CAMTA1: variants seen among roughly 807,000 people sequenced by gnomAD.
The protein encoded by CAMTA1 is calmodulin binding transcription activator 1.
Under a neutral mutation model 170.9 loss-of-function variants are expected in CAMTA1, and 27 were observed. The observed-to-expected ratio is 0.16, with a 90% confidence interval of 0.12 to 0.22. CAMTA1 has a LOEUF of 0.22. Among genes scored for constraint, CAMTA1 ranks in the 10% least tolerant of loss-of-function variants. CAMTA1 has a pLI of 1.00. For synonymous variants in CAMTA1, 833 were observed against 891.5 expected (o/e 0.93, Z 1.17); for missense variants, 1,619 against 2,217.2 (o/e 0.73, Z 5.42).
intron 3 of CAMTA1, among the ~76,000 whole-genome samples, chr1:6,943,732 A>G (rs1472300405): frequency 6.6e-6 from 1 of 151,650 alleles, no homozygotes; most frequent in Middle Eastern, 3.4e-3. Context: ...CTGTAACCCC[A>G]GCTACTCAGG....
intron 6 of CAMTA1, among the ~76,000 whole-genome samples, chr1:7,508,860 C>T (rs563453185): frequency 2.0e-5 from 3 of 152,334 alleles, no homozygotes; most frequent in African/African-American, 7.2e-5. Context: ...TGCATTCTAG[C>T]TCCCTGCAAA....
At chr1:7,640,649 C>T (rs1452482269) in intron 7 of CAMTA1, 96 bp downstream of exon 7, 27 of 1,412,590 alleles carry the variant, frequency 1.9e-5, no homozygotes, top group South Asian at 7.2e-5. Context: ...CTTGGGGATG[C>T]GGGTCCGGAG....
At chr1:7,461,491 T>C (rs974608901) in intron 5 of CAMTA1, among the ~76,000 whole-genome samples, 1 of 152,260 alleles carries the variant, frequency 6.6e-6, no homozygotes, top group South Asian at 2.1e-4. Flanking sequence ...GAAGCTTTGA[T>C]TGGATTTAAT....
intron 3 of CAMTA1, among the ~76,000 whole-genome samples, chr1:6,929,612 C>T (rs1684019337): frequency 1.3e-5 from 2 of 152,220 alleles, no homozygotes; most frequent in Non-Finnish European, 2.9e-5. Context: ...ATCCGCCCGC[C>T]TCGGCTTCCC....
In CAMTA1 at chr1:7,443,022, T is replaced by C. The variant is rs1303651824; in HGVS notation, c.439-24808T>C. 6.6e-6 allele frequency among the ~76,000 whole-genome samples: 1 copy of C among 152,186 alleles called. No homozygotes were observed. The highest frequency in any genetic ancestry group is 6.5e-5 in the Admixed American group (1 of 15,278). ...TCCATCCCTGTCTTTGAACACTTCT[T>C]CCTGCCTGTGGTCTCTCCTTGCCCC... On this transcript the variant is annotated intron_variant, in intron 5 of 22. Transcript: ENST00000303635. The surrounding 1 kb of genome is among the most constrained non-coding windows in gnomAD (Gnocchi z 4.1).
At chr1:6,862,031 T>G (rs1455375937) in intron 3 of CAMTA1, among the ~76,000 whole-genome samples, 6 of 151,840 alleles carry the variant, frequency 4.0e-5, no homozygotes, top group Admixed American at 1.3e-4. Flanking sequence ...GGTGCAATCT[T>G]GGCTCACTGC....
chr1:7,447,533 G>A (rs974495694), intron 5 of CAMTA1, among the ~76,000 whole-genome samples: 2 of 152,008 alleles, frequency 1.3e-5, no homozygotes, highest in African/African-American at 2.4e-5. Flanking sequence ...TCAGGGGATC[G>A]TGCCAGGCTA....
intron 5 of CAMTA1, among the ~76,000 whole-genome samples, chr1:7,355,462 G>C (rs1342652852): frequency 6.6e-6 from 1 of 152,112 alleles, no homozygotes; most frequent in African/African-American, 2.4e-5. Flanking sequence ...AAAAACCAAG[G>C]AGTCAGCCTG....
At chr1:7,566,676 A>C (rs570973659) in intron 6 of CAMTA1, among the ~76,000 whole-genome samples, 1 of 152,318 alleles carries the variant, frequency 6.6e-6, no homozygotes, top group South Asian at 2.1e-4. Context: ...AGGCACCCAG[A>C]GGCCTGAGTC....
In CAMTA1 at chr1:7,453,035, C is replaced by T. The variant is rs183707920; in HGVS notation, c.439-14795C>T. Among the ~76,000 whole-genome samples the T allele has an allele frequency of 9.8e-5, 15 of 152,356 alleles. 1 individual carries two copies. Among genetic ancestry groups the T allele is most frequent in the African/African-American group, 2.6e-4 (11 of 41,584 alleles). The stretch of plus-strand genomic sequence containing the variant: ...GATGAAATAAGACCCCATCCCAGCC[C>T]CCAGGACCTCCTGGCCTGCTCTCAG... On this transcript the variant is annotated intron_variant, in intron 5 of 22. Coordinates refer to ENST00000303635, the MANE Select transcript of CAMTA1 (RefSeq NM_015215.4).
At chr1:7,161,932 G>A (rs907636809) in intron 4 of CAMTA1, among the ~76,000 whole-genome samples, 1 of 152,094 alleles carries the variant, frequency 6.6e-6, no homozygotes, top group African/African-American at 2.4e-5. Context: ...GGTGTGCAAC[G>A]CCAAGCTTAC....
At chr1:7,200,012 TG>T (rs1656355312) in intron 4 of CAMTA1, among the ~76,000 whole-genome samples, 1 of 152,234 alleles carries the variant, frequency 6.6e-6, no homozygotes, top group Non-Finnish European at 1.5e-5. Flanking sequence ...GACATTGTAC[TG>T]CAAGCATGCT....
intron 1 of CAMTA1, among the ~76,000 whole-genome samples, chr1:6,814,405 A>G (rs1043473594): frequency 6.6e-6 from 1 of 152,168 alleles, no homozygotes; most frequent in Non-Finnish European, 1.5e-5. Context: ...TGCCACTTCC[A>G]GACTTGGCCC....
chr1:7,311,601 GT>G (rs59546165), intron 5 of CAMTA1, among the ~76,000 whole-genome samples: 57,342 of 150,286 alleles, frequency 0.38, 11,782 homozygotes, highest in Admixed American at 0.47. Flanking sequence ...TGAAAGTTGA[GT>G]TTTTTTTTTC....
At chr1:6,955,190 CAG>C (rs1689239166) in intron 3 of CAMTA1, among the ~76,000 whole-genome samples, 1 of 151,902 alleles carries the variant, frequency 6.6e-6, no homozygotes, top group Admixed American at 6.6e-5. Context: ...GGAGCAGGGA[CAG>C]GGGTTGCCAA....
chr1:6,792,655 A>G (rs1461467742), intron 1 of CAMTA1, among the ~76,000 whole-genome samples: 4 of 151,932 alleles, frequency 2.6e-5, no homozygotes, highest in African/African-American at 9.7e-5. Flanking sequence ...TTTTTTTTAA[A>G]GGTTCCTCCA....
At chr1:6,876,990 G>A (rs974086381) in intron 3 of CAMTA1, among the ~76,000 whole-genome samples, 7 of 152,124 alleles carry the variant, frequency 4.6e-5, no homozygotes, top group African/African-American at 1.7e-4. Flanking sequence ...TTCATTTTTG[G>A]TGGTGAGGAA....
chr1:7,705,505 G>T (rs938256988), intron 11 of CAMTA1, among the ~76,000 whole-genome samples: 6 of 149,674 alleles, frequency 4.0e-5, no homozygotes, highest in African/African-American at 7.3e-5. Context: ...GGGGACGAGC[G>T]TGTCGGGCGC....
At chr1:7,611,676 T>C (rs1353662678) in intron 6 of CAMTA1, among the ~76,000 whole-genome samples, 1 of 152,308 alleles carries the variant, frequency 6.6e-6, no homozygotes, top group African/African-American at 2.4e-5. Flanking sequence ...AGCCTTACTA[T>C]CAGACCCTTA....
Sources: allele counts gnomAD v4.1 joint callset (sites outside exome capture counted in the v4.1 genomes callset), GRCh38; gene constraint gnomAD v4.1.1; non-coding constraint Gnocchi (gnomAD v3.1); transcripts MANE v1.5; gene names NCBI Gene and HGNC (gene_info 2026-07-23, HGNC 2026-07-21).